The following UNC13C variants were observed in gnomAD, a reference collection of about 807,000 sequenced individuals.
UNC13C encodes protein unc-13 homolog C.
A neutral mutation model predicts 245.4 loss-of-function variants in UNC13C; 174 were observed. The observed-to-expected ratio is 0.71, with a 90% confidence interval of 0.63 to 0.80. The LOEUF is 0.80. Ranked by LOEUF, UNC13C falls within the 30% of genes least tolerant of loss-of-function variation. UNC13C has a pLI of 0.00. For synonymous variants in UNC13C, 992 were observed against 895.1 expected (o/e 1.11, Z -1.93); for missense variants, 2,829 against 2,602.9 (o/e 1.09, Z -1.89).
At chr15:54,177,287 A>G (rs1053442022) in intron 4 of UNC13C, among the ~76,000 whole-genome samples, 3 of 152,278 alleles carry the variant, frequency 2.0e-5, no homozygotes. Context: ...TACTGTATGT[A>G]TAGACTGAGA....
chr15:53,892,212 C>T, the UNC13C span, among the ~76,000 whole-genome samples: 4 of 152,218 alleles, frequency 2.6e-5, no homozygotes, highest in African/African-American at 9.7e-5. Context: ...CCCCCGCTCT[C>T]CTCTGGCTTG....
chr15:54,595,928 A>G (rs1273254023), intron 30 of UNC13C, among the ~76,000 whole-genome samples: 3 of 152,226 alleles, frequency 2.0e-5, no homozygotes, highest in African/African-American at 7.2e-5. Context: ...AAATGATTAC[A>G]TGAAGTAGAT....
chr15:54,315,503 T>C (rs2037985660), intron 13 of UNC13C, among the ~76,000 whole-genome samples: 1 of 151,666 alleles, frequency 6.6e-6, no homozygotes, highest in South Asian at 2.1e-4. Context: ...ACTTTTTTTC[T>C]TCTTGTATAA....
chr15:54,011,752 T>C (rs1166778746), intron 1 of UNC13C, among the ~76,000 whole-genome samples: 1 of 152,178 alleles, frequency 6.6e-6, no homozygotes, highest in East Asian at 1.9e-4. Flanking sequence ...TCTCCTCCTC[T>C]TCTATGCTCC....
chr15:54,065,130 T>G (rs762030920), intron 2 of UNC13C, among the ~76,000 whole-genome samples: 1 of 152,200 alleles, frequency 6.6e-6, no homozygotes, highest in South Asian at 2.1e-4. Flanking sequence ...TCAAATGATC[T>G]GACTACGCAG....
chr15:54,011,039 G>T (rs1031694637), intron 1 of UNC13C, among the ~76,000 whole-genome samples: 3 of 152,104 alleles, frequency 2.0e-5, no homozygotes, highest in Non-Finnish European at 4.4e-5. Flanking sequence ...TTGCTGAAAT[G>T]GTTTTGGAGT....
At chr15:54,632,740 T>TG (rs1901478195), downstream of UNC13C, 1 of 152,240 alleles carries the variant, frequency 6.6e-6, no homozygotes, top group South Asian at 2.1e-4. Context: ...TCTGACTCTA[T>TG]ACCTTATCAC....
intron 17 of UNC13C, among the ~76,000 whole-genome samples, chr15:54,384,185 G>C (rs559237217): frequency 5.3e-5 from 8 of 152,054 alleles, no homozygotes; most frequent in African/African-American, 1.9e-4. Context: ...AACAAGTAAA[G>C]AGCTGAAATA....
intron 30 of UNC13C, among the ~76,000 whole-genome samples, chr15:54,582,886 T>C (rs977245520): frequency 4.6e-5 from 7 of 152,276 alleles, no homozygotes; most frequent in South Asian, 2.1e-4. Context: ...AATATAAATG[T>C]TGGCCATTTA....
chr15:54,367,545 C>A (rs1044119978), intron 17 of UNC13C, among the ~76,000 whole-genome samples: 1 of 152,106 alleles, frequency 6.6e-6, no homozygotes, highest in Non-Finnish European at 1.5e-5. Flanking sequence ...TTGCCCCTGT[C>A]CATACACAGT....
intron 2 of UNC13C, among the ~76,000 whole-genome samples, chr15:54,121,695 C>G (rs747381388): frequency 2.0e-5 from 3 of 151,796 alleles, no homozygotes; most frequent in African/African-American, 4.8e-5. Flanking sequence ...AAAATCTTAT[C>G]GTGTTATTGA....
intron 2 of UNC13C, among the ~76,000 whole-genome samples, chr15:54,086,838 G>T (rs1482204669): frequency 7.1e-6 from 1 of 141,088 alleles, no homozygotes; most frequent in Non-Finnish European, 1.5e-5. Flanking sequence ...CAAGTTCAAT[G>T]GATTCTCCTG....
chr15:54,486,265 A>ACACT (rs1375617446), intron 19 of UNC13C, among the ~76,000 whole-genome samples: 2 of 149,954 alleles, frequency 1.3e-5, no homozygotes, highest in African/African-American at 4.9e-5. Context: ...ACACACACAC[A>ACACT]CACACACACA....
intron 18 of UNC13C, among the ~76,000 whole-genome samples, chr15:54,394,266 TG>T (rs2040024030): frequency 6.6e-6 from 1 of 151,594 alleles, no homozygotes; most frequent in South Asian, 2.1e-4. Context: ...GTGGAGAGAG[TG>T]GTCCTATTTT....
At chr15:53,891,369 T>C in the UNC13C span, among the ~76,000 whole-genome samples, 9 of 152,318 alleles carry the variant, frequency 5.9e-5, no homozygotes, top group Non-Finnish European at 1.0e-4. Context: ...TCTGTGCATA[T>C]CTATTAGGTC....
At chr15:54,050,783 CTA>C in intron 2 of UNC13C, 1 of 589,194 alleles carries the variant, frequency 1.7e-6, no homozygotes, top group Non-Finnish European at 3.3e-6. Flanking sequence ...GTGATCATCA[CTA>C]TATGAATACA....
intron 22 of UNC13C, among the ~76,000 whole-genome samples, chr15:54,503,434 C>CTT (rs35100602): frequency 1.5e-5 from 2 of 136,564 alleles, no homozygotes; most frequent in Non-Finnish European, 3.2e-5. Context: ...TCAGCCTTTC[C>CTT]TTTTTTTTTT....
At chr15:53,901,315 G>T in the UNC13C span, among the ~76,000 whole-genome samples, 1 of 150,528 alleles carries the variant, frequency 6.6e-6, no homozygotes, top group Non-Finnish European at 1.5e-5. Context: ...CACCTCCCGG[G>T]TTCATGCCAT....
intron 18 of UNC13C, among the ~76,000 whole-genome samples, chr15:54,404,288 T>C (rs2040249005): frequency 6.6e-6 from 1 of 152,196 alleles, no homozygotes; most frequent in South Asian, 2.1e-4. Flanking sequence ...TCTAATTTTA[T>C]CCATTGTGAC....
Sources: allele counts gnomAD v4.1 joint callset (sites outside exome capture counted in the v4.1 genomes callset), GRCh38; gene constraint gnomAD v4.1.1; transcripts MANE v1.5; gene names NCBI Gene and HGNC (gene_info 2026-07-23, HGNC 2026-07-21).